ZNF410: variants seen among roughly 807,000 people sequenced by gnomAD.
ZNF410 encodes the protein another partner for ARF 1.
In ZNF410, 18 loss-of-function variants were observed where a neutral mutation model predicts 54.8. The ratio of observed to expected loss-of-function variants is 0.33; its 90% confidence interval spans 0.23 to 0.49. The LOEUF (loss-of-function observed/expected upper bound fraction) is 0.49. Among genes scored for constraint, ZNF410 ranks in the 20% least tolerant of loss-of-function variants. ZNF410 has a pLI of 0.99. For missense variants in ZNF410, 405 were observed against 569.6 expected (o/e 0.71, Z 2.94); for synonymous variants, 191 against 207.3 (o/e 0.92, Z 0.68).
intron 5 of ZNF410, among the ~76,000 whole-genome samples, chr14:73,900,584 TG>T (rs2055390120): frequency 6.6e-6 from 1 of 151,964 alleles, no homozygotes; most frequent in Non-Finnish European, 1.5e-5. Context: ...GTGTTGGCCA[TG>T]GCTGGTCTCA....
intron 3 of ZNF410, among the ~76,000 whole-genome samples, chr14:73,894,732 A>G (rs945648888): frequency 1.3e-5 from 2 of 152,154 alleles, no homozygotes; most frequent in African/African-American, 4.8e-5. Flanking sequence ...AGGCCTATCA[A>G]TACATACTTT....
intron 3 of ZNF410, among the ~76,000 whole-genome samples, chr14:73,894,139 G>A (rs1194417399): frequency 6.6e-6 from 1 of 152,152 alleles, no homozygotes; most frequent in East Asian, 1.9e-4. Flanking sequence ...GAGAGTGTGA[G>A]AGTGGGGAAA....
rs528738768 is a variant in ZNF410 at position 73,910,684 on chromosome 14, C to CAG, written c.1003+1257_1003+1258dup. On this transcript the variant is annotated intron_variant, in intron 8 of 11. Coordinates refer to ENST00000555044, the MANE Select transcript of ZNF410 (RefSeq NM_021188.3). ...AGGAGAACTGCTTGAACCTGGGAGG[C>CAG]AGAGGTTGCAATGAGCTGAGATTGC... Among the ~76,000 whole-genome samples the CAG allele has an allele frequency of 8.9e-4, 130 of 146,406 alleles. No individual in the cohort carries two copies. In the South Asian group the frequency reaches 0.01, roughly 11 times the overall value.
chr14:73,911,200 C>A (rs2055572330), intron 8 of ZNF410, among the ~76,000 whole-genome samples: 1 of 152,098 alleles, frequency 6.6e-6, no homozygotes, highest in Admixed American at 6.6e-5. Context: ...AGTTTAAAAG[C>A]TGGGTACTGG....
At chr14:73,918,819 G>A (rs1195694518) in intron 8 of ZNF410, among the ~76,000 whole-genome samples, 2 of 144,646 alleles carry the variant, frequency 1.4e-5, no homozygotes, top group Non-Finnish European at 1.5e-5. Flanking sequence ...CTGCCTCAGC[G>A]TACCGAGTAG....
chr14:73,915,716 C>G (rs755119388), intron 8 of ZNF410: 1 of 152,234 alleles, frequency 6.6e-6, no homozygotes, highest in East Asian at 1.9e-4. Context: ...ACCTTCTCTT[C>G]CTAGTATGTT....
At chr14:73,890,287 C>T (rs1394597970) in intron 1 of ZNF410, among the ~76,000 whole-genome samples, 1 of 151,868 alleles carries the variant, frequency 6.6e-6, no homozygotes, top group East Asian at 1.9e-4. Context: ...CTCTCGGGTT[C>T]AAGCGATTCT....
intron 5 of ZNF410, among the ~76,000 whole-genome samples, chr14:73,900,453 C>T (rs1252388336): frequency 6.6e-6 from 1 of 151,220 alleles, no homozygotes; most frequent in Non-Finnish European, 1.5e-5. Context: ...CGGCTCACTG[C>T]AAACTCTGCC....
chr14:73,932,128 A>G lies in ZNF410; in HGVS notation c.*587A>G, dbSNP rs775689650. The G allele has an allele frequency of 6.3e-5, 26 of 410,738 alleles. No homozygotes were observed. The highest frequency in any genetic ancestry group is 1.1e-4 in the Non-Finnish European group (23 of 204,278). 25.4% of individuals were successfully genotyped at this position (410,738 alleles called of 1,614,324 possible). On this transcript the variant is annotated 3_prime_UTR_variant, in exon 12 of 12. Transcript: ENST00000555044. ...CCAGGCTGAGGTACTATCTTGTCCTATACACTTCTACTTGGTCACTTTGCT... is the reference window on the plus strand; with the variant it reads ...CCAGGCTGAGGTACTATCTTGTCCTGTACACTTCTACTTGGTCACTTTGCT...
intron 8 of ZNF410, among the ~76,000 whole-genome samples, chr14:73,919,972 C>T (rs62003757): frequency 0.39 from 52,283 of 135,714 alleles, 10,018 homozygotes; most frequent in Non-Finnish European, 0.43. Flanking sequence ...TGAATATTTA[C>T]GTTGTTTCCA....
intron 5 of ZNF410, among the ~76,000 whole-genome samples, chr14:73,898,995 A>G (rs1161949672): frequency 6.6e-6 from 1 of 152,216 alleles, no homozygotes; most frequent in Non-Finnish European, 1.5e-5. Flanking sequence ...ATCTTTGCTT[A>G]TGTAGCATGT....
intron 2 of ZNF410, chr14:73,893,262 A>C (rs896915375): frequency 1.3e-5 from 2 of 152,224 alleles, no homozygotes; most frequent in Non-Finnish European, 2.9e-5. Context: ...AGGTTAACTT[A>C]ATTACAGTGA....
At chr14:73,928,817 G>A (rs2055871014) in intron 11 of ZNF410, among the ~76,000 whole-genome samples, 3 of 152,092 alleles carry the variant, frequency 2.0e-5, no homozygotes, top group Non-Finnish European at 4.4e-5. Flanking sequence ...GCATAGTGGT[G>A]CATACCTGTA....
chr14:73,924,713 G>A (rs377343715), intron 11 of ZNF410: 14 of 443,338 alleles, frequency 3.2e-5, no homozygotes, highest in East Asian at 7.0e-5. Context: ...GTCTCGCTCC[G>A]TTGCCCAGGC....
intron 6 of ZNF410, 21 bp downstream of exon 6, chr14:73,904,131 A>G (rs754420071): frequency 5.0e-6 from 8 of 1,607,100 alleles, no homozygotes; most frequent in South Asian, 4.4e-5. Context: ...CCGAGATCTC[A>G]TATTTGGATA....
Position 73,929,060 on chromosome 14 carries a change from C to T in ZNF410, c.1399-2443C>T, listed in dbSNP as rs374926898. On this transcript the variant is annotated intron_variant, in intron 11 of 11. Transcript: ENST00000555044. ...AACAACACAAAAGGGAAAGTGCTGT[C>T]CTGGATGTAGCTCAAAATCCTGCAC... is the stretch of plus-strand genomic sequence containing the variant. Among the ~76,000 whole-genome samples the T allele has an allele frequency of 9.7e-4, 147 of 152,314 alleles. 2 individuals carry two copies. Among genetic ancestry groups the T allele is most frequent in the African/African-American group, 3.4e-3 (142 of 41,566 alleles).
intron 8 of ZNF410, among the ~76,000 whole-genome samples, chr14:73,919,517 G>T (rs149797046): frequency 6.6e-6 from 1 of 152,020 alleles, no homozygotes; most frequent in Non-Finnish European, 1.5e-5. Flanking sequence ...TTTAGCTCCC[G>T]CTTATAAGTG....
chr14:73,892,402 ATC>A (rs1231271583), intron 2 of ZNF410, among the ~76,000 whole-genome samples, 194 bp downstream of exon 2: 4 of 151,914 alleles, frequency 2.6e-5, no homozygotes, highest in African/African-American at 7.2e-5. Context: ...TTGTTTTTAT[ATC>A]TGTTTTTCAG....
intron 2 of ZNF410, among the ~76,000 whole-genome samples, chr14:73,892,460 A>G (rs1486849726): frequency 6.6e-6 from 1 of 151,664 alleles, no homozygotes; most frequent in Non-Finnish European, 1.5e-5. Context: ...AATCTTATAA[A>G]TAAAAATATA....
Sources: gnomAD v4.1 joint callset for allele counts (sites outside exome capture counted in the v4.1 genomes callset) on GRCh38, gnomAD v4.1.1 for gene constraint, MANE v1.5 for transcripts, NCBI Gene and HGNC (gene_info 2026-07-23, HGNC 2026-07-21) for gene names.